DDHD2: variants seen among roughly 807,000 people sequenced by gnomAD.
DDHD2 encodes the protein triacylglycerol hydrolase DDHD2.
Under a neutral mutation model 91.2 loss-of-function variants are expected in DDHD2, and 62 were observed. That is an observed-to-expected ratio of 0.68 (90% CI 0.55 to 0.84). The LOEUF (loss-of-function observed/expected upper bound fraction) is 0.84, where lower values mean the gene tolerates loss of function less well. Ranked by LOEUF, DDHD2 falls within the 40% of genes least tolerant of loss-of-function variation. The pLI is 0.00. For synonymous variants in DDHD2, 271 were observed against 293.9 expected (o/e 0.92, Z 0.80); for missense variants, 740 against 846.9 (o/e 0.87, Z 1.57).
intron 3 of DDHD2, among the ~76,000 whole-genome samples, chr8:38,236,343 TTTTTTG>T (rs1037437802): frequency 2.2e-4 from 33 of 150,632 alleles, no homozygotes; most frequent in East Asian, 8.0e-4. Context: ...TTTTTTTGCT[TTTTTTG>T]TTTTTGTTTT....
chr8:38,258,478 C>G (rs1225826371), intron 16 of DDHD2, among the ~76,000 whole-genome samples: 1 of 152,086 alleles, frequency 6.6e-6, no homozygotes, highest in African/African-American at 2.4e-5. Flanking sequence ...GTCTCGAACG[C>G]CTGACCTCAG....
chr8:38,235,352 T>A (rs1030795903), intron 3 of DDHD2, among the ~76,000 whole-genome samples: 1 of 151,916 alleles, frequency 6.6e-6, no homozygotes, highest in African/African-American at 2.4e-5. Context: ...GGATTACAGG[T>A]GTGAGCTACT....
intron 11 of DDHD2, 23 bp downstream of exon 11, chr8:38,249,826 T>C (rs1805969136): frequency 6.7e-7 from 1 of 1,486,786 alleles, no homozygotes; most frequent in African/African-American, 1.4e-5. Flanking sequence ...TACAGCTTGT[T>C]GGACTAAACA....
At chr8:38,238,487 G>T in intron 5 of DDHD2, 1 of 1,131,312 alleles carries the variant, frequency 8.8e-7, no homozygotes, top group South Asian at 2.3e-5. Flanking sequence ...ATTCCAAGAA[G>T]TGTGATTCCA....
chr8:38,263,350 C>T (rs955049987), downstream of DDHD2: 3 of 980,362 alleles, frequency 3.1e-6, no homozygotes, highest in African/African-American at 5.3e-5. Flanking sequence ...ATGACGATAC[C>T]TGTCATTTTT....
chr8:38,235,203 A>G (rs1327215525), intron 3 of DDHD2, among the ~76,000 whole-genome samples: 2 of 151,954 alleles, frequency 1.3e-5, no homozygotes, highest in African/African-American at 2.4e-5. Flanking sequence ...CCCCTTTTCA[A>G]TCCTTGAAAG....
chr8:38,260,133 C>T lies in DDHD2; in HGVS notation c.*12C>T, dbSNP rs756438693. ...AGCCTTTACAGTAAAAATGACCCAT[C>T]TATGGCTGCTTAATGTAAGTTTTAA... On this transcript the variant is annotated 3_prime_UTR_variant, in exon 17 of 18. Coordinates refer to ENST00000397166, the MANE Select transcript of DDHD2 (RefSeq NM_015214.3). 6.4e-7 allele frequency: 1 copy of T among 1,566,546 alleles called. No homozygotes were observed. The highest frequency in any genetic ancestry group is 8.8e-7 in the Non-Finnish European group (1 of 1,137,466).
chr8:38,237,934 C>T (rs1804932018), intron 4 of DDHD2, among the ~76,000 whole-genome samples, 155 bp from the exon 5 acceptor site: 2 of 152,126 alleles, frequency 1.3e-5, no homozygotes, highest in South Asian at 2.1e-4. Flanking sequence ...TATATTTTCA[C>T]GGTTCTCATT....
At position 38,261,359 on chromosome 8, in the gene DDHD2, T is replaced by G. The variant is rs1807010576; in HGVS notation, c.*786T>G. 6.6e-6 allele frequency: 1 copy of G among 152,150 alleles called. No individual in the cohort carries two copies. The highest frequency in any genetic ancestry group is 2.4e-5 in the African/African-American group (1 of 41,376). The allele number at this position is 152,150 out of a possible 1,614,324, so 9.4% of individuals were successfully genotyped here. A position where few individuals can be genotyped will look rare whatever the true frequency, so the allele number is the denominator to read the frequency against. On this transcript the variant is annotated 3_prime_UTR_variant, in exon 18 of 18. Coordinates refer to ENST00000397166, the MANE Select transcript of DDHD2 (RefSeq NM_015214.3). ...TTGATAGAAGTTATTTGCTAATAGCTTCTATTCTTACGTTGAAAATAGTTG... is the reference window on the plus strand; with the variant it reads ...TTGATAGAAGTTATTTGCTAATAGCGTCTATTCTTACGTTGAAAATAGTTG...
rs894808298 is a variant in DDHD2, at chr8:38,234,476, A to G, written c.303A>G (p.Val101=). 1 of 1,613,462 alleles carries G rather than the reference A, an allele frequency of 6.2e-7. No individual in the cohort carries two copies. The highest frequency in any genetic ancestry group is 8.5e-7 in the Non-Finnish European group (1 of 1,179,902). Residue 101 remains valine (V), a synonymous_variant, in exon 3 of 18, where the codon GTA becomes GTG. Coordinates refer to ENST00000397166, the MANE Select transcript of DDHD2 (RefSeq NM_015214.3). ...TGGGGGAGAGGATGCGGTATGCTGT[A>G]TACTGGGATGAACTGGCATCGGAAG... ...VHLGERMRYA[V]YWDELASEVR...
At chr8:38,242,209 G>T in intron 6 of DDHD2, 41 bp from the exon 7 acceptor site, 1 of 1,502,584 alleles carries the variant, frequency 6.7e-7, no homozygotes, top group Non-Finnish European at 9.0e-7. Context: ...CTACAGATTT[G>T]TTACTTCATT....
chr8:38,237,764 T>C, intron 4 of DDHD2, 137 bp downstream of exon 4: 1 of 579,906 alleles, frequency 1.7e-6, no homozygotes, highest in Middle Eastern at 2.8e-4. Context: ...GTTATGAAAC[T>C]TAAAAACTTG....
Position 38,238,226 on chromosome 8 carries a change from AT to A in DDHD2, c.622+23del. 1.2e-6 allele frequency: 2 copies of A among 1,612,688 alleles called. No individual in the cohort carries two copies. The highest frequency in any genetic ancestry group is 2.2e-5 in the South Asian group (2 of 90,930). On this transcript the variant is annotated intron_variant, in intron 5 of 17. Transcript: ENST00000397166. The stretch of plus-strand genomic sequence containing the variant: ...TTCATTGTGGTAATGTTAATCGTTT[AT>A]TTTTTCTTACCTTTGGATGTATTTG...
intron 13 of DDHD2, 108 bp downstream of exon 13, chr8:38,252,395 C>A: frequency 8.1e-7 from 1 of 1,230,120 alleles, no homozygotes; most frequent in Non-Finnish European, 1.1e-6. Flanking sequence ...CATTGTCTAG[C>A]AATGAGACAA....
Position 38,269,023 on chromosome 8 carries a change from G to T in DDHD2, n.88-2099G>T, listed in dbSNP as rs376411311. The T allele has an allele frequency of 4.0e-5, 61 of 1,542,794 alleles. No individual in the cohort carries two copies. In the African/African-American group the frequency reaches 6.7e-4, roughly 17 times the overall value. On this transcript the variant is annotated intron_variant and non_coding_transcript_variant, in intron 1 of 1. Transcript: ENST00000526071. ...GGAACAAAGAAGCGCAGAGCAGGTCGCCTGGCTTCCTCCCCGCTTCCCCAC... is the reference window on the plus strand; with the variant it reads ...GGAACAAAGAAGCGCAGAGCAGGTCTCCTGGCTTCCTCCCCGCTTCCCCAC...
At chr8:38,264,236 C>T (rs2130909157), downstream of DDHD2, 1 of 813,132 alleles carries the variant, frequency 1.2e-6, no homozygotes, top group African/African-American at 1.8e-5. Flanking sequence ...GAACCTCCAG[C>T]TCCCAGGTTC....
intron 7 of DDHD2, among the ~76,000 whole-genome samples, chr8:38,245,293 A>G (rs1805535380): frequency 1.3e-5 from 2 of 152,058 alleles, no homozygotes; most frequent in African/African-American, 4.8e-5. Context: ...TTAGCTGGGC[A>G]TGGTGGCACA....
At chr8:38,242,468 A>G (rs879945044) in intron 7 of DDHD2, 83 bp downstream of exon 7, 2 of 1,395,736 alleles carry the variant, frequency 1.4e-6, no homozygotes, top group South Asian at 1.3e-5. Context: ...TTTTTATGCT[A>G]TAGCTGACTG....
intron 9 of DDHD2, chr8:38,247,475 C>G (rs1375558771): frequency 1.6e-5 from 4 of 253,938 alleles, no homozygotes; most frequent in Admixed American, 1.1e-4. Context: ...ACTGAGCTCC[C>G]TTAAAATTCA....
Sources: allele counts gnomAD v4.1 joint callset (sites outside exome capture counted in the v4.1 genomes callset), GRCh38; gene constraint gnomAD v4.1.1; transcripts MANE v1.5; gene names NCBI Gene and HGNC (gene_info 2026-07-23, HGNC 2026-07-21).